Variants in LGI1 observed in about 807,000 individuals in gnomAD.
LGI1 encodes the protein leucine-rich glioma-inactivated protein 1.
A neutral mutation model predicts 57.7 loss-of-function variants in LGI1; 11 were observed. That is an observed-to-expected ratio of 0.19 (90% CI 0.12 to 0.32). LGI1 has a LOEUF of 0.32. LGI1 is among the 10% of genes least tolerant of loss of function. The pLI is 1.00. For synonymous variants in LGI1, 222 were observed against 241.9 expected, an observed-to-expected ratio of 0.92 and a Z score of 0.76; for missense variants, 422 against 661.9, an observed-to-expected ratio of 0.64 and a Z score of 3.98.
rs2059984811 is a variant in LGI1 at position 93,796,901 on chromosome 10, GC to G, written c.839-64del. 2.3e-6 allele frequency: 3 copies of G among 1,283,702 alleles called. No homozygotes were observed. The Admixed American group carries it at 5.1e-5, about 22-fold the overall frequency. The allele number at this position is 1,283,702 out of a possible 1,614,324, so 79.5% of individuals were successfully genotyped here. On this transcript the variant is annotated intron_variant, in intron 7 of 7. Transcript: ENST00000371418. Reference sequence around the variant, plus strand: ...TTTGGGTGGAAGTTGTATGGCCCCAGCCCGCATGTTTACATGCTCCAAAAGA... The same window carrying G: ...TTTGGGTGGAAGTTGTATGGCCCCAGCCGCATGTTTACATGCTCCAAAAGA...
intron 2 of LGI1, among the ~76,000 whole-genome samples, chr10:93,761,417 T>A (rs866654669): frequency 9.8e-5 from 15 of 152,344 alleles, no homozygotes; most frequent in South Asian, 4.1e-4. Context: ...GGAAGACAGT[T>A]CGTTGGTTTC....
chr10:93,793,093 C>A, intron 6 of LGI1, 93 bp from the exon 7 acceptor site: 1 of 1,237,572 alleles, frequency 8.1e-7, no homozygotes, highest in Non-Finnish European at 1.1e-6. Flanking sequence ...TTTTACTATT[C>A]TCTGAAATAA....
intron 2 of LGI1, among the ~76,000 whole-genome samples, chr10:93,775,081 T>C (rs1247029882): frequency 6.6e-6 from 1 of 152,184 alleles, no homozygotes; most frequent in Non-Finnish European, 1.5e-5. Context: ...AACTTTTAAA[T>C]TGAAGTATAA....
At chr10:93,776,838 A>T (rs2059798924) in intron 2 of LGI1, 1 of 163,736 alleles carries the variant, frequency 6.1e-6, no homozygotes, top group Admixed American at 5.8e-5. Context: ...CCCAAACCTC[A>T]TGTTTCCCAT....
rs2059746296 is a variant in LGI1, at chr10:93,771,957, A to G, written c.288-5422A>G. 4.0e-5 allele frequency: 6 copies of G among 149,164 alleles called. No individual in the cohort carries two copies. The South Asian group carries it at 1.3e-3, about 32-fold the overall frequency. 9.2% of individuals were successfully genotyped at this position (149,164 alleles called of 1,614,324 possible). A position where few individuals can be genotyped will look rare whatever the true frequency, so the allele number is the denominator to read the frequency against. On this transcript the variant is annotated intron_variant, in intron 2 of 7. Transcript: ENST00000371418. ...GCCATGGCACTCCAGCCTGGGCAACAAGAGTGAAACTTTGTTTCAAAAAAA... is the reference window on the plus strand; with the variant it reads ...GCCATGGCACTCCAGCCTGGGCAACGAGAGTGAAACTTTGTTTCAAAAAAA...
chr10:93,795,432 C>T (rs555225842), intron 7 of LGI1, among the ~76,000 whole-genome samples: 4 of 152,298 alleles, frequency 2.6e-5, no homozygotes, highest in Admixed American at 6.5e-5. Flanking sequence ...AACAGACTCG[C>T]TCAAGCCCTT....
At chr10:93,767,712 C>T (rs1036116530) in intron 2 of LGI1, 10 of 152,158 alleles carry the variant, frequency 6.6e-5, no homozygotes, top group African/African-American at 2.4e-4. Context: ...GATGTGACCT[C>T]TGGGAGTCAG....
At chr10:93,795,257 A>G (rs578094400) in intron 7 of LGI1, among the ~76,000 whole-genome samples, 25 of 152,230 alleles carry the variant, frequency 1.6e-4, no homozygotes, top group Non-Finnish European at 3.2e-4. Context: ...AAATACCTTG[A>G]CTGCGTAATT....
At chr10:93,773,994 C>G (rs2059767459) in intron 2 of LGI1, among the ~76,000 whole-genome samples, 1 of 152,154 alleles carries the variant, frequency 6.6e-6, no homozygotes, top group African/African-American at 2.4e-5. Flanking sequence ...CTCCATGATG[C>G]TGCTGCTGTT....
chr10:93,766,386 T>A (rs1175290893), intron 2 of LGI1, among the ~76,000 whole-genome samples: 1 of 152,204 alleles, frequency 6.6e-6, no homozygotes, highest in Non-Finnish European at 1.5e-5. Flanking sequence ...GGCTAAAGAT[T>A]TCTGGACCCT....
chr10:93,779,694 T>G (rs1452369062), intron 4 of LGI1, among the ~76,000 whole-genome samples: 1 of 152,142 alleles, frequency 6.6e-6, no homozygotes, highest in Non-Finnish European at 1.5e-5. Flanking sequence ...TTTAGCAGTA[T>G]GGAGCCTGTA....
At position 93,758,315 on chromosome 10, in the gene LGI1, T is replaced by G; in HGVS notation, c.171T>G (p.Asn57Lys). 6.2e-7 allele frequency: 1 copy of G among 1,614,228 alleles called. No individual in the cohort carries two copies. The highest frequency in any genetic ancestry group is 8.5e-7 in the Non-Finnish European group (1 of 1,180,042). The change falls in exon 1 of 8, where the codon AAT becomes AAG. Residue 57 changes from asparagine (N) to lysine (K), a missense_variant. This residue lies in a region of LGI1 where 63 missense variants were observed against 138.4 expected (regional missense o/e 0.46). Transcript: ENST00000371418. This position sits in a 1 kb window ranked among gnomAD's most constrained non-coding sequence, Gnocchi z 4.7. ...TCTKDNALCENARSIPRTVPP... is the reference protein window; with the variant it reads ...TCTKDNALCEKARSIPRTVPP... Reference sequence around the variant, plus strand: ...CCAAAGATAATGCTTTATGTGAGAATGCCAGATCCATTCCACGCACCGTTC... The same window carrying G: ...CCAAAGATAATGCTTTATGTGAGAAGGCCAGATCCATTCCACGCACCGTTC...
intron 4 of LGI1, among the ~76,000 whole-genome samples, chr10:93,783,542 T>TGG (rs2059868326): frequency 1.3e-5 from 2 of 151,940 alleles, no homozygotes; most frequent in Non-Finnish European, 2.9e-5. Context: ...CTTCCTGAGG[T>TGG]GGGGGTCCAC....
Position 93,758,675 on chromosome 10 carries a change from C to A in LGI1, c.216-85C>A. ...CAAAATAGTCACTGTTATGCTAAAC[C>A]GGATTAACATAAGGTTTGTTCTGTG... On this transcript the variant is annotated intron_variant, in intron 1 of 7. Transcript: ENST00000371418. This position sits in a 1 kb window ranked among gnomAD's most constrained non-coding sequence, Gnocchi z 4.7. The A allele has an allele frequency of 1.1e-6, 1 of 948,952 alleles. No homozygotes were observed. Among genetic ancestry groups the A allele is most frequent in the South Asian group, 1.3e-5 (1 of 75,170 alleles). 58.8% of individuals were successfully genotyped at this position (948,952 alleles called of 1,614,324 possible). A position where few individuals can be genotyped will look rare whatever the true frequency, so the allele number is the denominator to read the frequency against.
At chr10:93,774,880 T>C (rs941663301) in intron 2 of LGI1, among the ~76,000 whole-genome samples, 2 of 152,198 alleles carry the variant, frequency 1.3e-5, no homozygotes, top group Non-Finnish European at 2.9e-5. Context: ...ATCCTCTGTA[T>C]AGAATATGAT....
Position 93,790,144 on chromosome 10 carries a change from CA to C in LGI1, c.480del (p.Gly161AlafsTer5). 1 of 1,595,992 alleles carries C rather than the reference CA, an allele frequency of 6.3e-7. No homozygotes were observed. ...TCCAGACACTCCCAAAAGATATTTT[CA>C]AAGGCCTGGATTCTTTAACAAATGT... is the stretch of plus-strand genomic sequence containing the variant. ...NLQTLPKDIF[K>X]GLDSLTNVDL... is the part of the protein sequence containing the mutation. On this transcript the variant is annotated frameshift_variant, in exon 5 of 8. Transcript: ENST00000371418. LOFTEE classifies it high-confidence loss of function.
At chr10:93,765,160 A>C (rs1229359544) in intron 2 of LGI1, 1 of 152,228 alleles carries the variant, frequency 6.6e-6, no homozygotes, top group Non-Finnish European at 1.5e-5. Context: ...CATGGGTTTG[A>C]AACTCAGTTT....
chr10:93,765,951 CA>C (rs1429513054), intron 2 of LGI1, among the ~76,000 whole-genome samples: 4 of 116,852 alleles, frequency 3.4e-5, no homozygotes, highest in African/African-American at 1.4e-4. Flanking sequence ...GCCTGGGCGA[CA>C]GAGTAAGCCT....
intron 4 of LGI1, among the ~76,000 whole-genome samples, chr10:93,783,336 A>G (rs919945689): frequency 4.6e-5 from 7 of 152,230 alleles, no homozygotes; most frequent in Non-Finnish European, 1.0e-4. Flanking sequence ...AGATCGCGCC[A>G]CTGCACTCCA....
Sources: allele counts gnomAD v4.1 joint callset (sites outside exome capture counted in the v4.1 genomes callset), GRCh38; gene constraint gnomAD v4.1.1; regional missense constraint gnomAD v4.1.1; non-coding constraint Gnocchi (gnomAD v3.1); transcripts MANE v1.5; gene names NCBI Gene and HGNC (gene_info 2026-07-23, HGNC 2026-07-21).